The following TIA1 variants were observed in gnomAD, a reference collection of about 807,000 sequenced individuals.
TIA1 encodes the protein TIA1 cytotoxic granule associated RNA binding protein.
TIA1 carries 23 observed loss-of-function variants against 65.9 expected under a neutral mutation model. The ratio of observed to expected loss-of-function variants is 0.35; its 90% CI spans 0.25 to 0.49. The LOEUF is 0.49. Ranked by LOEUF, TIA1 falls within the 20% of genes least tolerant of loss-of-function variation. The pLI is 0.98. For synonymous variants in TIA1, 147 were observed against 149.4 expected (o/e 0.98, Z 0.12); for missense variants, 371 against 477.9 (o/e 0.78, Z 2.09).
chr2:70,239,220 G>A (rs1258486772), intron 1 of TIA1, among the ~76,000 whole-genome samples: 2 of 152,088 alleles, frequency 1.3e-5, no homozygotes, highest in East Asian at 1.9e-4. Flanking sequence ...AGCCTCCCGA[G>A]TAGCTGGGAC....
chr2:70,209,577 G>T lies in TIA1; in HGVS notation c.*3142C>A, dbSNP rs904491397. On this transcript the variant is annotated 3_prime_UTR_variant, in exon 13 of 13. Transcript: ENST00000433529. ...ATGAAATGTAATAACCTCCTATAAA[G>T]AAACGATTGGGGACTATCATTTTTG... The T allele has an allele frequency of 9.5e-5, 38 of 398,268 alleles. No individual in the cohort carries two copies. The highest frequency in any genetic ancestry group is 7.2e-4 in the African/African-American group (35 of 48,714). 24.7% of individuals were successfully genotyped at this position (398,268 alleles called of 1,614,324 possible).
intron 10 of TIA1, 168 bp downstream of exon 10, chr2:70,216,040 C>A (rs2103928553): frequency 3.1e-6 from 2 of 638,488 alleles, no homozygotes; most frequent in South Asian, 2.1e-5. Flanking sequence ...GCGTGAGCCA[C>A]CGCACCCGGC....
At chr2:70,241,814 T>C (rs898582191) in intron 1 of TIA1, among the ~76,000 whole-genome samples, 11 of 151,834 alleles carry the variant, frequency 7.2e-5, no homozygotes, top group African/African-American at 2.4e-4. Flanking sequence ...TGTGGTGGTG[T>C]GCACCTGTAG....
At chr2:70,228,820 A>C in intron 5 of TIA1, 1 of 1,396,232 alleles carries the variant, frequency 7.2e-7, no homozygotes, top group Non-Finnish European at 9.3e-7. Flanking sequence ...TTAGTTGGTG[A>C]AAGTAGTTCT....
chr2:70,217,122 CAT>C (rs1678939744), intron 7 of TIA1, 128 bp from the exon 8 acceptor site: 2 of 748,120 alleles, frequency 2.7e-6, no homozygotes, highest in South Asian at 8.1e-5. Context: ...AAATACACAA[CAT>C]ATGATAGCTT....
chr2:70,224,722 C>T (rs2104296359), intron 6 of TIA1, 93 bp from the exon 7 acceptor site: 4 of 1,528,846 alleles, frequency 2.6e-6, no homozygotes, highest in African/African-American at 1.4e-5. Flanking sequence ...CATGTTTCAC[C>T]TTCATTAAAG....
chr2:70,239,178 C>T (rs2952466), intron 1 of TIA1, among the ~76,000 whole-genome samples: 70,506 of 151,960 alleles, frequency 0.46, 18,760 homozygotes, highest in African/African-American at 0.73. Flanking sequence ...CTGCAAGCTC[C>T]GCCTCCTGAG....
intron 1 of TIA1, among the ~76,000 whole-genome samples, chr2:70,239,819 T>C (rs893978199): frequency 2.0e-5 from 3 of 152,228 alleles, no homozygotes; most frequent in African/African-American, 7.2e-5. Context: ...TTGGGAGTTA[T>C]TACTACACCA....
intron 2 of TIA1, among the ~76,000 whole-genome samples, chr2:70,234,860 A>C (rs1236893850): frequency 6.6e-6 from 1 of 152,048 alleles, no homozygotes; most frequent in Non-Finnish European, 1.5e-5. Flanking sequence ...GTGCCCGGCT[A>C]AATAATTACT....
At chr2:70,214,123 ACT>A (rs1175950842) in intron 12 of TIA1, among the ~76,000 whole-genome samples, 1 of 152,180 alleles carries the variant, frequency 6.6e-6, no homozygotes, top group Non-Finnish European at 1.5e-5. Flanking sequence ...CTAGCATCAA[ACT>A]CAGTGTATAT....
At chr2:70,227,971 T>A in intron 5 of TIA1, 149 bp from the exon 6 acceptor site, 2 of 479,030 alleles carry the variant, frequency 4.2e-6, no homozygotes, top group Non-Finnish European at 7.2e-6. Flanking sequence ...ATACAAATCC[T>A]ACCAATTTTA....
At chr2:70,244,834 CAAAAAAAAAAAA>C (rs70956958) in intron 1 of TIA1, among the ~76,000 whole-genome samples, 1 of 53,486 alleles carries the variant, frequency 1.9e-5, no homozygotes, top group Non-Finnish European at 3.5e-5. Flanking sequence ...GACTCTGTCT[CAAAAAAAAAAAA>C]AAAAAAAAAA....
At chr2:70,225,267 T>A in intron 6 of TIA1, 1 of 1,185,452 alleles carries the variant, frequency 8.4e-7, no homozygotes, top group Non-Finnish European at 1.1e-6. Context: ...TAAAATTGAT[T>A]GGAACTACAA....
chr2:70,213,129 G>C (rs1392274572), intron 12 of TIA1, among the ~76,000 whole-genome samples: 1 of 152,012 alleles, frequency 6.6e-6, no homozygotes, highest in African/African-American at 2.4e-5. Context: ...TTTGAATATA[G>C]AAAAACCTAA....
At chr2:70,221,441 G>C (rs1681303880) in intron 7 of TIA1, among the ~76,000 whole-genome samples, 1 of 151,984 alleles carries the variant, frequency 6.6e-6, no homozygotes, top group Non-Finnish European at 1.5e-5. Context: ...CTGCACTCCA[G>C]CCTGAGTGAC....
At chr2:70,233,140 A>G (rs1433998161) in intron 2 of TIA1, among the ~76,000 whole-genome samples, 1 of 151,318 alleles carries the variant, frequency 6.6e-6, no homozygotes, top group African/African-American at 2.4e-5. Context: ...AGTACAGTTA[A>G]TTAATTTTTT....
At chr2:70,219,563 T>C (rs1425554818) in intron 7 of TIA1, among the ~76,000 whole-genome samples, 1 of 152,114 alleles carries the variant, frequency 6.6e-6, no homozygotes, top group Non-Finnish European at 1.5e-5. Context: ...CTTGAACTCC[T>C]TGGGCTCAAG....
chr2:70,243,279 T>A (rs1254905169), intron 1 of TIA1, among the ~76,000 whole-genome samples: 1 of 152,064 alleles, frequency 6.6e-6, no homozygotes, highest in African/African-American at 2.4e-5. Flanking sequence ...TTTTAAAAAT[T>A]AGCCAGACAT....
intron 6 of TIA1, among the ~76,000 whole-genome samples, chr2:70,226,245 A>T (rs1326717705): frequency 6.6e-6 from 1 of 152,180 alleles, no homozygotes; most frequent in Non-Finnish European, 1.5e-5. Context: ...AAAAAAATAT[A>T]ACCCACGATT....
Sources: allele counts gnomAD v4.1 joint callset (sites outside exome capture counted in the v4.1 genomes callset), GRCh38; gene constraint gnomAD v4.1.1; transcripts MANE v1.5; gene names NCBI Gene and HGNC (gene_info 2026-07-23, HGNC 2026-07-21).